FRMPD4: variants seen among roughly 807,000 people sequenced by gnomAD.
The protein encoded by FRMPD4 is FERM and PDZ domain containing 4, also known as FERM and PDZ domain-containing protein 4.
FRMPD4 carries 22 observed loss-of-function variants against 94.1 expected under a neutral mutation model. The observed-to-expected ratio is 0.23, with a 90% confidence interval of 0.17 to 0.33. FRMPD4 has a LOEUF of 0.33. Among genes scored for constraint, FRMPD4 ranks in the 10% least tolerant of loss-of-function variants. The pLI is 1.00. For missense variants in FRMPD4, 1,111 were observed against 1,339.9 expected, an observed-to-expected ratio of 0.83 and a Z score of 2.67; for synonymous variants, 631 against 548.6, an observed-to-expected ratio of 1.15 and a Z score of -2.10.
At chrX:12,421,725 A>G (rs1601925438) in intron 1 of FRMPD4, among the ~76,000 whole-genome samples, 1 of 102,997 alleles carries the variant, frequency 9.7e-6, no homozygotes. Flanking sequence ...CTGGGCCACT[A>G]TACTTCAGCC....
Position 12,614,865 on chromosome X carries a change from G to T in FRMPD4, c.406G>T (p.Val136Phe), listed in dbSNP as rs1415978177. The change falls in exon 4 of 17, where the codon GTC (valine) becomes TTC (phenylalanine). Residue 136 changes from valine (V) to phenylalanine (F), a missense_variant. Val to Phe is a conservative substitution (Grantham distance 50). Coordinates refer to ENST00000675598, the MANE Select transcript of FRMPD4 (RefSeq NM_001368397.1). ...GGTCAGCGCTGCACCCAGAGAGCGG[G>T]TCATCGATCTGGTCAGGTGAGTGAC... The part of the protein sequence containing the change: ...EPVSAAPRER[V>F]IDLVRSCKES... 2 of 1,137,231 alleles carry T rather than the reference G, an allele frequency of 1.8e-6. No homozygotes were observed. Among genetic ancestry groups the T allele is most frequent in the South Asian group, 3.7e-5 (2 of 54,653 alleles). 93.7% of individuals were successfully genotyped at this position (1,137,231 alleles called of 1,213,427 possible). A position where few individuals can be genotyped will look rare whatever the true frequency, so the allele number is the denominator to read the frequency against.
chrX:12,059,046 A>G (rs1601909560), intron 3 of FRMPD4, among the ~76,000 whole-genome samples: 1 of 112,114 alleles, frequency 8.9e-6, no homozygotes, highest in Non-Finnish European at 1.9e-5. Context: ...TGTTCATTTT[A>G]AACAATTGTA....
intron 1 of FRMPD4, among the ~76,000 whole-genome samples, chrX:12,371,387 G>T (rs1045780038): frequency 4.4e-5 from 5 of 112,371 alleles, no homozygotes; most frequent in African/African-American, 1.6e-4. Context: ...GAGGTGGGTA[G>T]AATGACAAGA....
chrX:12,331,886 T>TATATATATTTATATACTATATATAAATA, intron 1 of FRMPD4, among the ~76,000 whole-genome samples: 1 of 16,191 alleles, frequency 6.2e-5, no homozygotes, highest in Non-Finnish European at 1.2e-4. Flanking sequence ...ATATATAAAT[T>TATATATATTTATATACTATATATAAATA]ATATATATTT....
In FRMPD4 at chrX:12,716,347, C is replaced by G; in HGVS notation, c.1888C>G (p.Leu630Val). ...CTACAGAAGTCTAGCTCAGCGGTCC[C>G]TATTGACCCTCTCAGGACCAGAAAC... Reference protein sequence around the residue: ...ADYRSLAQRSLLTLSGPETLK... With the variant: ...ADYRSLAQRSVLTLSGPETLK... Residue 630 changes from leucine to valine, a missense_variant, in exon 15 of 17, where the codon CTA becomes GTA. By Grantham distance (32) the Leu-to-Val change is conservative. Transcript: ENST00000675598. 8.3e-7 allele frequency: 1 copy of G among 1,211,598 alleles called. No homozygotes were observed. Among genetic ancestry groups the G allele is most frequent in the Non-Finnish European group, 1.1e-6 (1 of 895,162 alleles).
At chrX:11,996,053 A>G (rs899252115) in intron 3 of FRMPD4, among the ~76,000 whole-genome samples, 1 of 111,397 alleles carries the variant, frequency 9.0e-6, no homozygotes, top group African/African-American at 3.3e-5. Flanking sequence ...TGGAACTTAA[A>G]ATTGTCCCCC....
At position 12,585,226 on chromosome X, in the gene FRMPD4, A is replaced by ATT. The variant is rs60514161; in HGVS notation, c.159-24486_159-24485dup. Among the ~76,000 whole-genome samples, 533 of 103,976 alleles carry ATT rather than the reference A, an allele frequency of 5.1e-3. 5 individuals are homozygous for ATT. Among genetic ancestry groups the ATT allele is most frequent in the African/African-American group, 0.016 (455 of 28,230 alleles). The allele number at this position is 103,976 out of a possible 115,157, so 90.3% of individuals were successfully genotyped here. On this transcript the variant is annotated intron_variant, in intron 2 of 16. Transcript: ENST00000675598. Reference sequence around the variant, plus strand: ...AGCACCGCGCCTAGCCAAATAATCAATTTTTTTTTTCTTGAGGCGGAGTCT... The same window carrying ATT: ...AGCACCGCGCCTAGCCAAATAATCAATTTTTTTTTTTTCTTGAGGCGGAGTCT...
intron 8 of FRMPD4, among the ~76,000 whole-genome samples, chrX:12,693,594 G>A (rs1478613486): frequency 8.9e-6 from 1 of 111,741 alleles, no homozygotes; most frequent in Non-Finnish European, 1.9e-5. Flanking sequence ...GTACTACATG[G>A]GCCAAAACTT....
At chrX:11,913,517 G>C (rs1456875524) in intron 3 of FRMPD4, among the ~76,000 whole-genome samples, 1 of 111,822 alleles carries the variant, frequency 8.9e-6, no homozygotes, top group Admixed American at 9.5e-5. Context: ...GTATATGCAT[G>C]ATCACTGATA....
intron 3 of FRMPD4, among the ~76,000 whole-genome samples, chrX:12,039,979 AAAAAAG>A (rs1296880352): frequency 3.0e-4 from 31 of 104,782 alleles, no homozygotes; most frequent in Non-Finnish European, 5.2e-4. Flanking sequence ...AAAAAAAAAA[AAAAAAG>A]AAAAAAAAAG....
chrX:12,080,923 G>C (rs2055057019), intron 3 of FRMPD4, among the ~76,000 whole-genome samples: 1 of 112,235 alleles, frequency 8.9e-6, no homozygotes, highest in Non-Finnish European at 1.9e-5. Context: ...AAATGTGCCA[G>C]ACTTAACTAG....
intron 1 of FRMPD4, among the ~76,000 whole-genome samples, chrX:12,374,400 G>A (rs1389065358): frequency 2.7e-5 from 3 of 111,761 alleles, no homozygotes; most frequent in Admixed American, 9.5e-5. Flanking sequence ...CAGAATTATC[G>A]ATGCTGAGCT....
intron 1 of FRMPD4, among the ~76,000 whole-genome samples, chrX:12,261,813 A>G (rs902309048): frequency 4.5e-5 from 5 of 112,147 alleles, no homozygotes; most frequent in African/African-American, 1.6e-4. Flanking sequence ...TTTTCTGTCA[A>G]AGTTTTCATT....
chrX:12,099,596 C>T (rs1324539343), intron 3 of FRMPD4, among the ~76,000 whole-genome samples: 1 of 111,944 alleles, frequency 8.9e-6, no homozygotes, highest in Admixed American at 9.5e-5. Flanking sequence ...TACCAGCCAA[C>T]CCTTTTGAGA....
chrX:12,635,838 A>C (rs747419226), intron 4 of FRMPD4, among the ~76,000 whole-genome samples: 2 of 111,900 alleles, frequency 1.8e-5, no homozygotes, highest in East Asian at 2.8e-4. Context: ...TGTGAACAGA[A>C]TCATAGGTTA....
At chrX:11,831,460 G>A in intron 1 of FRMPD4, among the ~76,000 whole-genome samples, 1 of 111,730 alleles carries the variant, frequency 9.0e-6, no homozygotes. Flanking sequence ...TGCATGAACA[G>A]GGGAGTGAAC....
At chrX:11,987,844 G>T (rs949048137) in intron 3 of FRMPD4, among the ~76,000 whole-genome samples, 5 of 110,765 alleles carry the variant, frequency 4.5e-5, no homozygotes, top group Admixed American at 3.8e-4. Flanking sequence ...AAATTACTTT[G>T]TGGCTATTAC....
chrX:12,427,897 C>CTT (rs139267482), intron 1 of FRMPD4, among the ~76,000 whole-genome samples: 6 of 54,756 alleles, frequency 1.1e-4, no homozygotes, highest in Admixed American at 2.9e-4. Context: ...CCTTTTTTCT[C>CTT]TTTTTTTTTT....
intron 1 of FRMPD4, among the ~76,000 whole-genome samples, chrX:12,370,341 T>C (rs1416806471): frequency 1.8e-5 from 2 of 111,937 alleles, no homozygotes; most frequent in Non-Finnish European, 3.8e-5. Flanking sequence ...ATATAAAATT[T>C]TTGAACTGGG....
Sources: allele counts gnomAD v4.1 joint callset (sites outside exome capture counted in the v4.1 genomes callset), GRCh38; gene constraint gnomAD v4.1.1; transcripts MANE v1.5; gene names NCBI Gene and HGNC (gene_info 2026-07-23, HGNC 2026-07-21).